Variants in TRHDE observed in about 807,000 individuals in gnomAD.
TRHDE encodes thyrotropin releasing hormone degrading enzyme.
TRHDE carries 72 observed loss-of-function variants against 125.7 expected under a neutral mutation model. The ratio of observed to expected loss-of-function variants is 0.57; its 90% CI spans 0.47 to 0.70. The LOEUF is 0.70. TRHDE is among the 30% of genes least tolerant of loss of function. The pLI, the probability that TRHDE is intolerant of heterozygous loss-of-function variation, is 0.00. For missense variants in TRHDE, 1,110 were observed against 1,327.1 expected (o/e 0.84, Z 2.54); for synonymous variants, 509 against 509.1 (o/e 1.00, Z 0.00).
chr12:72,586,844 G>A (rs1213388050), intron 12 of TRHDE, among the ~76,000 whole-genome samples: 5 of 150,892 alleles, frequency 3.3e-5, no homozygotes, highest in African/African-American at 9.7e-5. Flanking sequence ...TGTTAGTCTA[G>A]AAGTCTGTGT....
Position 72,320,908 on chromosome 12 carries a change from A to T in TRHDE, c.1188+33954A>T, listed in dbSNP as rs1165095852. ...TACTTGCTCTAGCCAACTTAGCTTT[A>T]TTAGAAGGATCAAATTAAATAATGC... On this transcript the variant is annotated intron_variant, in intron 2 of 18. Coordinates refer to ENST00000261180, the MANE Select transcript of TRHDE (RefSeq NM_013381.3). 2.0e-5 allele frequency among the ~76,000 whole-genome samples: 3 copies of T among 152,254 alleles called. No individual in the cohort carries two copies. The East Asian group carries it at 5.8e-4, about 29-fold the overall frequency.
intron 9 of TRHDE, among the ~76,000 whole-genome samples, chr12:72,564,256 C>T (rs1870324206): frequency 6.6e-6 from 1 of 152,150 alleles, no homozygotes; most frequent in Non-Finnish European, 1.5e-5. Flanking sequence ...AATGCTTCTT[C>T]CCCGAGCCTG....
At chr12:72,314,358 A>T (rs371324357) in intron 2 of TRHDE, among the ~76,000 whole-genome samples, 1,921 of 98,546 alleles carry the variant, frequency 0.019, 16 homozygotes, top group African/African-American at 0.037. Flanking sequence ...CTTTTTTTTT[A>T]AAAAAAGAAA....
chr12:72,101,224 C>T (rs1168869130), intron 1 of TRHDE, among the ~76,000 whole-genome samples: 1 of 152,152 alleles, frequency 6.6e-6, no homozygotes, highest in African/African-American at 2.4e-5. Context: ...TTACATTATA[C>T]CACTTTACCA....
intron 15 of TRHDE, among the ~76,000 whole-genome samples, chr12:72,639,787 A>AG (rs1169163537): frequency 1.3e-5 from 2 of 151,760 alleles, no homozygotes; most frequent in Non-Finnish European, 2.9e-5. Context: ...TGCCCCTGCT[A>AG]GGGGGTGCCT....
intron 3 of TRHDE, among the ~76,000 whole-genome samples, chr12:72,445,837 C>G (rs917343763): frequency 1.3e-5 from 2 of 151,958 alleles, no homozygotes; most frequent in Admixed American, 1.3e-4. Flanking sequence ...ATCCAGATTA[C>G]TAGCTTGCTT....
At chr12:72,516,362 C>T (rs1232927808) in intron 6 of TRHDE, among the ~76,000 whole-genome samples, 1 of 152,152 alleles carries the variant, frequency 6.6e-6, no homozygotes, top group Admixed American at 6.5e-5. Context: ...TCCTTCACAT[C>T]CCTTGTAAGT....
chr12:72,117,656 A>G (rs574425880), intron 2 of TRHDE, among the ~76,000 whole-genome samples: 7 of 152,038 alleles, frequency 4.6e-5, no homozygotes, highest in Non-Finnish European at 1.0e-4. Flanking sequence ...GACTCTGTAG[A>G]CTGCTTTAGA....
intron 2 of TRHDE, among the ~76,000 whole-genome samples, chr12:72,228,951 T>G (rs141119570): frequency 6.6e-5 from 10 of 152,298 alleles, no homozygotes; most frequent in African/African-American, 2.4e-4. Context: ...AACTTCATTG[T>G]CCATATCACT....
At chr12:72,548,977 A>G (rs1294383882) in intron 7 of TRHDE, among the ~76,000 whole-genome samples, 1 of 151,840 alleles carries the variant, frequency 6.6e-6, no homozygotes, top group Non-Finnish European at 1.5e-5. Context: ...ATCATCTAAA[A>G]TATGGTTGAA....
chr12:72,381,101 T>TG (rs759901967), intron 3 of TRHDE, among the ~76,000 whole-genome samples: 135 of 152,182 alleles, frequency 8.9e-4, no homozygotes, highest in Middle Eastern at 3.4e-3. Context: ...TGTTACAACT[T>TG]GGGGGGTGAG....
At chr12:72,295,929 A>T (rs1320591349) in intron 2 of TRHDE, among the ~76,000 whole-genome samples, 1 of 152,206 alleles carries the variant, frequency 6.6e-6, no homozygotes. Flanking sequence ...CAATCTATTT[A>T]GGAATGTAAG....
At chr12:72,271,770 C>T, upstream of TRHDE, 1 of 390,442 alleles carries the variant, frequency 2.6e-6, no homozygotes, top group Non-Finnish European at 5.2e-6. Context: ...CTCGGACATA[C>T]GCACTTCGGC....
intron 15 of TRHDE, among the ~76,000 whole-genome samples, chr12:72,645,315 G>A (rs1431546855): frequency 2.6e-5 from 4 of 152,124 alleles, no homozygotes; most frequent in African/African-American, 4.8e-5. Context: ...ACACAATAAC[G>A]TAACTGAAAA....
intron 2 of TRHDE, among the ~76,000 whole-genome samples, chr12:72,216,723 A>G (rs535730332): frequency 2.0e-5 from 3 of 152,290 alleles, no homozygotes; most frequent in African/African-American, 7.2e-5. Flanking sequence ...TATATTTTCA[A>G]TTACCATTTA....
chr12:72,236,438 G>A (rs1369444205), intron 2 of TRHDE, among the ~76,000 whole-genome samples: 2 of 149,784 alleles, frequency 1.3e-5, no homozygotes, highest in Non-Finnish European at 3.0e-5. Context: ...ATCATATCTT[G>A]TAGCTGTCAG....
chr12:72,136,314 T>C (rs891612915), intron 2 of TRHDE, among the ~76,000 whole-genome samples: 1 of 152,184 alleles, frequency 6.6e-6, no homozygotes, highest in African/African-American at 2.4e-5. Context: ...TGAGAAAATA[T>C]TGATAGCAAA....
intron 2 of TRHDE, among the ~76,000 whole-genome samples, chr12:72,174,553 C>A (rs944256747): frequency 4.6e-5 from 7 of 152,116 alleles, no homozygotes; most frequent in African/African-American, 1.7e-4. Flanking sequence ...ACATCTCTTT[C>A]ATTTCTTTTC....
rs1877043392 is a variant in TRHDE at position 72,178,976 on chromosome 12, G to T, written n.279+73224G>T. ...CTGAAGATATATAGAAGAACAATTT[G>T]GAAGGTTCCCAAATGTCACTGAAAC... On this transcript the variant is annotated intron_variant and non_coding_transcript_variant, in intron 2 of 4. Coordinates refer to the TRHDE transcript ENST00000548156. Among the ~76,000 whole-genome samples, 3 of 152,016 alleles carry T rather than the reference G, an allele frequency of 2.0e-5. No individual in the cohort carries two copies. In the South Asian group the frequency reaches 6.2e-4, roughly 31 times the overall value.
Sources: gnomAD v4.1 joint callset for allele counts (sites outside exome capture counted in the v4.1 genomes callset) on GRCh38, gnomAD v4.1.1 for gene constraint, MANE v1.5 for transcripts, NCBI Gene and HGNC (gene_info 2026-07-23, HGNC 2026-07-21) for gene names.